The following DEPTOR variants were observed in gnomAD, a reference collection of about 807,000 sequenced individuals.
DEPTOR encodes the protein DEP domain-containing mTOR-interacting protein.
Under a neutral mutation model 41.6 loss-of-function variants are expected in DEPTOR, and 41 were observed. The observed-to-expected ratio is 0.98, with a 90% CI of 0.77 to 1.28. DEPTOR has a LOEUF of 1.28. Ranked by LOEUF, DEPTOR falls within the 50% of genes most tolerant of loss-of-function variation. DEPTOR has a pLI of 0.00. For missense variants in DEPTOR, 514 were observed against 527.9 expected (o/e 0.97, Z 0.26); for synonymous variants, 195 against 192.3 (o/e 1.01, Z -0.12).
intron 3 of DEPTOR, among the ~76,000 whole-genome samples, chr8:119,945,891 G>A (rs896388436): frequency 2.0e-5 from 3 of 152,162 alleles, no homozygotes; most frequent in South Asian, 2.1e-4. Context: ...GAAGAGGCAC[G>A]TATTGAAGTA....
chr8:119,936,044 G>A (rs1828108966), intron 3 of DEPTOR, among the ~76,000 whole-genome samples: 1 of 140,048 alleles, frequency 7.1e-6, no homozygotes, highest in African/African-American at 2.7e-5. Flanking sequence ...GATTTTCTCA[G>A]CAGCAGGAGT....
At chr8:119,999,583 C>A (rs981792255) in intron 4 of DEPTOR, among the ~76,000 whole-genome samples, 1 of 152,178 alleles carries the variant, frequency 6.6e-6, no homozygotes, top group Non-Finnish European at 1.5e-5. Context: ...ATGATCGTGC[C>A]ACTGCACTCC....
At chr8:119,889,665 G>A (rs1586600103) in intron 1 of DEPTOR, among the ~76,000 whole-genome samples, 1 of 116,698 alleles carries the variant, frequency 8.6e-6, no homozygotes, top group Non-Finnish European at 1.8e-5. Context: ...GGAGGGGAGG[G>A]GAGGGGAGAG....
intron 4 of DEPTOR, among the ~76,000 whole-genome samples, chr8:119,972,534 A>G (rs1828645856): frequency 1.3e-5 from 2 of 152,002 alleles, no homozygotes. Flanking sequence ...GAGGCAGGAA[A>G]ATTGCTGGAA....
intron 4 of DEPTOR, among the ~76,000 whole-genome samples, chr8:119,974,663 T>C (rs1049533559): frequency 9.2e-5 from 14 of 151,980 alleles, no homozygotes; most frequent in African/African-American, 3.1e-4. Flanking sequence ...TCCCAGTTAC[T>C]TGGGAGGTTG....
intron 8 of DEPTOR, among the ~76,000 whole-genome samples, chr8:120,035,010 A>C (rs910661514): frequency 8.0e-6 from 1 of 124,550 alleles, no homozygotes; most frequent in East Asian, 2.0e-4. Flanking sequence ...TGGGAGTGAT[A>C]CATGTGTTAA....
intron 8 of DEPTOR, among the ~76,000 whole-genome samples, chr8:120,026,112 A>G (rs1160068601): frequency 2.6e-4 from 39 of 150,464 alleles, no homozygotes; most frequent in Non-Finnish European, 4.4e-5. Context: ...TCAGCCTCCC[A>G]TGTAGCTGGG....
intron 1 of DEPTOR, among the ~76,000 whole-genome samples, chr8:119,911,012 T>C (rs1331708673): frequency 1.3e-5 from 2 of 152,116 alleles, no homozygotes. Flanking sequence ...TATTCAGCAT[T>C]TTTGGTGGGT....
chr8:119,907,822 A>T (rs143315525), intron 1 of DEPTOR, among the ~76,000 whole-genome samples: 1 of 152,120 alleles, frequency 6.6e-6, no homozygotes, highest in South Asian at 2.1e-4. Context: ...CCATGAATCA[A>T]TGGAGGGCAA....
intron 8 of DEPTOR, among the ~76,000 whole-genome samples, chr8:120,017,295 A>T (rs1812627418): frequency 6.6e-6 from 1 of 152,230 alleles, no homozygotes; most frequent in Non-Finnish European, 1.5e-5. Flanking sequence ...GACCCAGCTT[A>T]TCCATTTCCC....
intron 1 of DEPTOR, among the ~76,000 whole-genome samples, chr8:119,922,035 T>C (rs1198575417): frequency 6.6e-6 from 1 of 151,902 alleles, no homozygotes; most frequent in Admixed American, 6.6e-5. Flanking sequence ...GTCAGGCGTT[T>C]GAGACCAGCC....
chr8:119,960,066 A>G (rs1828470652), intron 3 of DEPTOR, among the ~76,000 whole-genome samples: 1 of 151,942 alleles, frequency 6.6e-6, no homozygotes, highest in South Asian at 2.1e-4. Flanking sequence ...CATTTCTACT[A>G]AAGATACAAA....
intron 4 of DEPTOR, among the ~76,000 whole-genome samples, chr8:119,989,679 T>C (rs1812120692): frequency 6.6e-6 from 1 of 152,256 alleles, no homozygotes; most frequent in African/African-American, 2.4e-5. Flanking sequence ...AAACCTGTAA[T>C]GTGCTTGGCA....
chr8:119,886,198 T>A (rs1276472984), intron 1 of DEPTOR, among the ~76,000 whole-genome samples: 1 of 152,212 alleles, frequency 6.6e-6, no homozygotes, highest in African/African-American at 2.4e-5. Context: ...CTCTTGTAGC[T>A]CCTTCATGTG....
chr8:120,040,343 G>A (rs546788635), intron 8 of DEPTOR, among the ~76,000 whole-genome samples: 5 of 152,118 alleles, frequency 3.3e-5, no homozygotes, highest in Non-Finnish European at 5.9e-5. Context: ...TTGGGAGGCC[G>A]AGGCGGGCAG....
Position 120,003,114 on chromosome 8 carries a change from G to A in DEPTOR, c.925+3G>A. On this transcript the variant is annotated splice_donor_region_variant and intron_variant, in intron 6 of 8. Coordinates refer to ENST00000286234, the MANE Select transcript of DEPTOR (RefSeq NM_022783.4). Reference sequence around the variant, plus strand: ...TGTGCTCTGCAACCCCAAGTCCGGTGAGTGCCCAAAAGGTGGCCCCGCTCC... The same window carrying A: ...TGTGCTCTGCAACCCCAAGTCCGGTAAGTGCCCAAAAGGTGGCCCCGCTCC... 3 of 1,611,434 alleles carry A rather than the reference G, an allele frequency of 1.9e-6. No homozygotes were observed. The highest frequency in any genetic ancestry group is 2.5e-6 in the Non-Finnish European group (3 of 1,179,770).
At chr8:120,005,011 T>C (rs922604203) in intron 6 of DEPTOR, among the ~76,000 whole-genome samples, 3 of 152,146 alleles carry the variant, frequency 2.0e-5, no homozygotes, top group Non-Finnish European at 2.9e-5. Flanking sequence ...GCAAATAAGC[T>C]TCCAAGGATA....
chr8:119,990,367 C>G (rs561237295), intron 4 of DEPTOR, among the ~76,000 whole-genome samples: 1 of 152,072 alleles, frequency 6.6e-6, no homozygotes, highest in South Asian at 2.1e-4. Flanking sequence ...TCGTGTTAGT[C>G]GGGATGGTCT....
intron 1 of DEPTOR, among the ~76,000 whole-genome samples, chr8:119,878,549 G>C (rs13269024): frequency 0.5 from 74,850 of 150,894 alleles, 20,222 homozygotes; most frequent in East Asian, 0.92. Flanking sequence ...GAATGGTCTC[G>C]ATCTCTTGAC....
Sources: gnomAD v4.1 joint callset for allele counts (sites outside exome capture counted in the v4.1 genomes callset) on GRCh38, gnomAD v4.1.1 for gene constraint, MANE v1.5 for transcripts, NCBI Gene and HGNC (gene_info 2026-07-23, HGNC 2026-07-21) for gene names.